The following DPEP1 variants were observed in gnomAD, a reference collection of about 807,000 sequenced individuals.
DPEP1 encodes the protein beta-lactamase.
A neutral mutation model predicts 42.3 loss-of-function variants in DPEP1; 50 were observed. That is an observed-to-expected ratio of 1.18 (90% CI 0.94 to 1.50). DPEP1 has a LOEUF of 1.50. Ranked by LOEUF, DPEP1 falls within the 40% of genes most tolerant of loss-of-function variation. The pLI, the probability that DPEP1 is intolerant of heterozygous loss-of-function variation, is 0.00. For missense variants in DPEP1, 663 were observed against 553.0 expected, an observed-to-expected ratio of 1.20 and a Z score of -1.99; for synonymous variants, 297 against 234.0, an observed-to-expected ratio of 1.27 and a Z score of -2.46.
intron 2 of DPEP1, among the ~76,000 whole-genome samples, chr16:89,632,381 G>A (rs1028119648): frequency 5.9e-5 from 9 of 152,234 alleles, no homozygotes; most frequent in South Asian, 4.1e-4. Context: ...AAGCTGTTAC[G>A]GGACCCACCT....
At chr16:89,638,581 T>C, downstream of DPEP1, 1 of 830,804 alleles carries the variant, frequency 1.2e-6, no homozygotes, top group Non-Finnish European at 1.5e-6. Flanking sequence ...AAGGGCTTTG[T>C]AGAGACACTG....
In DPEP1 at chr16:89,637,589, G is replaced by T. The variant is rs374920121; in HGVS notation, c.853+37G>T. The T allele has an allele frequency of 1.9e-6, 3 of 1,612,718 alleles. No homozygotes were observed. The African/African-American group carries it at 4.0e-5, about 22-fold the overall frequency. ...GTGAGCGGCCAAGGGGGCCGAAGGG[G>T]GAGGGCCTCACTCGGGACCCATACC... On this transcript the variant is annotated intron_variant, in intron 8 of 10. Transcript: ENST00000690203.
At chr16:89,632,984 C>A (rs1455991205) in intron 2 of DPEP1, among the ~76,000 whole-genome samples, 1 of 152,062 alleles carries the variant, frequency 6.6e-6, no homozygotes, top group African/African-American at 2.4e-5. Context: ...AGAGAGCTGC[C>A]CCATTGCAGC....
rs776799494 is a variant in DPEP1, at chr16:89,636,887, C to T, written c.543C>T (p.Asp181=). 7 of 1,612,448 alleles carry T rather than the reference C, an allele frequency of 4.3e-6. No homozygotes were observed. In the South Asian group the frequency reaches 4.4e-5, roughly 10 times the overall value. ...NTPWADNWLV[D]TGDSEPQSQG... is the part of the protein sequence containing the mutation. Reference sequence around the variant, plus strand: ...CCAGGGCTGACAACTGGCTGGTGGACACGGGAGACAGCGAGCCCCAGAGCC... The same window carrying T: ...CCAGGGCTGACAACTGGCTGGTGGATACGGGAGACAGCGAGCCCCAGAGCC... The change falls in exon 6 of 11, where the codon GAC becomes GAT. Residue 181 remains aspartate, a synonymous_variant. Coordinates refer to ENST00000690203, the MANE Select transcript of DPEP1 (RefSeq NM_001389466.1).
intron 2 of DPEP1, among the ~76,000 whole-genome samples, chr16:89,631,148 C>T (rs920149299): frequency 9.9e-5 from 15 of 152,116 alleles, no homozygotes; most frequent in African/African-American, 3.6e-4. Flanking sequence ...TTTTGGCTCT[C>T]TTCCCACTCC....
At chr16:89,641,405 G>T (rs2059741830), downstream of DPEP1, among the ~76,000 whole-genome samples, 2 of 152,216 alleles carry the variant, frequency 1.3e-5, no homozygotes, top group African/African-American at 2.4e-5. Context: ...CGTAACGGGG[G>T]CTCACGCTCA....
At chr16:89,640,587 C>T, downstream of DPEP1, 2 of 982,274 alleles carry the variant, frequency 2.0e-6, no homozygotes, top group Non-Finnish European at 1.2e-6. Flanking sequence ...GTCTGTTCCC[C>T]TCCCAGCCTG....
intron 2 of DPEP1, among the ~76,000 whole-genome samples, chr16:89,632,116 C>A (rs1340901018): frequency 6.6e-6 from 1 of 152,158 alleles, no homozygotes; most frequent in Non-Finnish European, 1.5e-5. Flanking sequence ...GTGGCGTGAT[C>A]TCAGCTCGCT....
chr16:89,632,747 C>T (rs988697539), intron 2 of DPEP1, among the ~76,000 whole-genome samples: 6 of 152,116 alleles, frequency 3.9e-5, no homozygotes, highest in South Asian at 2.1e-4. Flanking sequence ...ACCTTCCCAT[C>T]GTTTTCTCCA....
chr16:89,616,810 AAGC>A (rs1470172756), intron 1 of DPEP1: 1 of 263,594 alleles, frequency 3.8e-6, no homozygotes, highest in Non-Finnish European at 7.6e-6. Flanking sequence ...AGCAGGCAGA[AAGC>A]GGCCAGGAAG....
At position 89,636,017 on chromosome 16, in the gene DPEP1, A is replaced by C; in HGVS notation, c.214A>C (p.Arg72=). The C allele has an allele frequency of 6.2e-7, 1 of 1,611,214 alleles. No homozygotes were observed. The highest frequency in any genetic ancestry group is 8.5e-7 in the Non-Finnish European group (1 of 1,179,238). ...CACACACACCAACATCCCCAAGCTG[A>C]GGGCCGGCTTTGTGGGAGGCCAGGT... is the stretch of plus-strand genomic sequence containing the variant. ...AGTHTNIPKL[R]AGFVGGQFWS... The change falls in exon 3 of 11, where the codon AGG becomes CGG. Residue 72 remains arginine, a synonymous_variant. Transcript: ENST00000690203.
At chr16:89,616,021 TGAG>T (rs1427463968) in intron 1 of DPEP1, among the ~76,000 whole-genome samples, 1 of 151,514 alleles carries the variant, frequency 6.6e-6, no homozygotes, top group Non-Finnish European at 1.5e-5. Context: ...TTCAGTGAGC[TGAG>T]ATCACACCAC....
At chr16:89,637,044 A>G in intron 6 of DPEP1, 109 bp downstream of exon 6, 2 of 1,536,678 alleles carry the variant, frequency 1.3e-6, no homozygotes, top group Admixed American at 3.8e-5. Flanking sequence ...CTTGTCTGTA[A>G]AATGGAGCTG....
intron 6 of DPEP1, 108 bp downstream of exon 6, chr16:89,637,043 A>G: frequency 6.5e-7 from 1 of 1,536,538 alleles, no homozygotes; most frequent in Non-Finnish European, 8.8e-7. Context: ...CCTTGTCTGT[A>G]AAATGGAGCT....
chr16:89,632,783 C>A (rs2059606602), intron 2 of DPEP1, among the ~76,000 whole-genome samples: 1 of 152,068 alleles, frequency 6.6e-6, no homozygotes, highest in African/African-American at 2.4e-5. Flanking sequence ...GCTGGCGGGG[C>A]ACAGTGGCTC....
intron 1 of DPEP1, among the ~76,000 whole-genome samples, chr16:89,620,133 G>A (rs1377059631): frequency 6.6e-6 from 1 of 151,884 alleles, no homozygotes; most frequent in Admixed American, 6.6e-5. Flanking sequence ...CTTTGCCAGA[G>A]GACATTCCAA....
rs748808965 is a variant in DPEP1, at chr16:89,637,989, A to T, written c.1065+18A>T. The T allele has an allele frequency of 6.2e-7, 1 of 1,607,110 alleles. No individual in the cohort carries two copies. The highest frequency in any genetic ancestry group is 8.5e-7 in the Non-Finnish European group (1 of 1,177,522). ...TGGAACAGGTGAGGATGGGGTGGCC[A>T]CCTGAGTCTCCCCCACCACCACCAG... On this transcript the variant is annotated intron_variant, in intron 10 of 10. Coordinates refer to ENST00000690203, the MANE Select transcript of DPEP1 (RefSeq NM_001389466.1).
rs980738442 is a variant in DPEP1 at position 89,613,734 on chromosome 16, G to A, written c.-107+15G>A. 4 of 153,802 alleles carry A rather than the reference G, an allele frequency of 2.6e-5. No individual in the cohort carries two copies. Among genetic ancestry groups the A allele is most frequent in the Non-Finnish European group, 4.4e-5 (3 of 68,922 alleles). The allele number at this position is 153,802 out of a possible 1,614,324, so 9.5% of individuals were successfully genotyped here. On this transcript the variant is annotated intron_variant, in intron 1 of 10. Coordinates refer to ENST00000690203, the MANE Select transcript of DPEP1 (RefSeq NM_001389466.1). ...CAGAGGCCAGGGTGAGTGGGCTGGG[G>A]AGTCGGTGCGCCAGGGTACTGGGGT...
intron 1 of DPEP1, among the ~76,000 whole-genome samples, chr16:89,623,211 T>C (rs1273087195): frequency 6.6e-6 from 1 of 152,034 alleles, no homozygotes; most frequent in Non-Finnish European, 1.5e-5. Flanking sequence ...ACCCAGCTAC[T>C]TGGGAGGCTG....
Sources: gnomAD v4.1 joint callset for allele counts (sites outside exome capture counted in the v4.1 genomes callset) on GRCh38, gnomAD v4.1.1 for gene constraint, MANE v1.5 for transcripts, NCBI Gene and HGNC (gene_info 2026-07-23, HGNC 2026-07-21) for gene names.